The following TENM1 variants were observed in gnomAD, a reference collection of about 807,000 sequenced individuals.
The protein encoded by TENM1 is teneurin-1.
TENM1 carries 35 observed loss-of-function variants against 174.8 expected under a neutral mutation model. The ratio of observed to expected loss-of-function variants is 0.20; its 90% CI spans 0.15 to 0.27. The LOEUF is 0.27. Among genes scored for constraint, TENM1 ranks in the 10% least tolerant of loss-of-function variants. The pLI is 1.00. For missense variants in TENM1, 1,633 were observed against 2,130.1 expected (o/e 0.77, Z 4.59); for synonymous variants, 781 against 798.7 (o/e 0.98, Z 0.37).
chrX:125,157,671 A>G, the TENM1 span, among the ~76,000 whole-genome samples: 1 of 112,127 alleles, frequency 8.9e-6, no homozygotes, highest in Non-Finnish European at 1.9e-5. Flanking sequence ...TTCAGCACTG[A>G]TGGTCATGTT....
chrX:125,085,313 T>C, the TENM1 span, among the ~76,000 whole-genome samples: 1 of 110,909 alleles, frequency 9.0e-6, no homozygotes, highest in African/African-American at 3.3e-5. Flanking sequence ...TTTTGTTGGC[T>C]TTCAGATTTT....
At position 124,939,982 on chromosome X, in the gene TENM1, A is replaced by G. The variant is rs898742122; in HGVS notation, c.217+23555T>C. Among the ~76,000 whole-genome samples the G allele has an allele frequency of 7.1e-5, 8 of 111,997 alleles. 1 individual carries two copies. Among genetic ancestry groups the G allele is most frequent in the African/African-American group, 2.6e-4 (8 of 30,791 alleles). On this transcript the variant is annotated intron_variant, in intron 1 of 31. Coordinates refer to ENST00000422452, the Ensembl canonical transcript of TENM1. ...CTCCTTACTAGAGTATAAGCTCTTAAAAGTAGGGACCATGTCTATGTTTTT... is the reference window on the plus strand; with the variant it reads ...CTCCTTACTAGAGTATAAGCTCTTAGAAGTAGGGACCATGTCTATGTTTTT...
the TENM1 span, among the ~76,000 whole-genome samples, chrX:125,089,250 T>C: frequency 2.7e-5 from 3 of 112,087 alleles, no homozygotes; most frequent in African/African-American, 9.7e-5. Context: ...CCCAAATTCA[T>C]TGGTAAAACC....
exon 3 of TENM1, chrX:124,894,321 C>T (rs778366638): frequency 8.3e-7 from 1 of 1,198,501 alleles, no homozygotes; most frequent in African/African-American, 1.8e-5. Context: ...CTTGAGCCTC[C>T]ATGTCACAAC....
intron 3 of TENM1, among the ~76,000 whole-genome samples, chrX:124,740,917 G>C (rs1477589215): frequency 9.0e-6 from 1 of 111,701 alleles, no homozygotes; most frequent in Non-Finnish European, 1.9e-5. Context: ...CTGTGCCCCA[G>C]AGAGAGGAAG....
At chrX:124,580,479 CAT>C (rs895673890) in intron 11 of TENM1, among the ~76,000 whole-genome samples, 3 of 108,998 alleles carry the variant, frequency 2.8e-5, no homozygotes, top group Admixed American at 9.9e-5. Flanking sequence ...AATATATACT[CAT>C]ATATGTCTAT....
At chrX:124,421,424 G>A (rs995706424) in intron 24 of TENM1, among the ~76,000 whole-genome samples, 1 of 111,877 alleles carries the variant, frequency 8.9e-6, no homozygotes, top group Non-Finnish European at 1.9e-5. Flanking sequence ...TGACCAAATT[G>A]CTCACTCCTG....
the TENM1 span, among the ~76,000 whole-genome samples, chrX:125,109,163 T>C: frequency 9.1e-6 from 1 of 109,923 alleles, no homozygotes; most frequent in Non-Finnish European, 1.9e-5. Context: ...CTTCCCTTCA[T>C]GTGTCTACAT....
chrX:125,166,230 T>G, the TENM1 span, among the ~76,000 whole-genome samples: 1 of 111,551 alleles, frequency 9.0e-6, no homozygotes, highest in Non-Finnish European at 1.9e-5. Flanking sequence ...ATTTACAAAA[T>G]TTAAGCATAT....
chrX:124,644,210 C>CATATATAT (rs202056765), intron 10 of TENM1, among the ~76,000 whole-genome samples: 49 of 95,672 alleles, frequency 5.1e-4, no homozygotes, highest in African/African-American at 1.9e-3. Flanking sequence ...TTTACATATA[C>CATATATAT]ATATATATAT....
chrX:124,822,030 T>C lies in TENM1; in HGVS notation c.535+72266A>G, dbSNP rs189902640. On this transcript the variant is annotated intron_variant, in intron 3 of 31. Coordinates refer to ENST00000422452, the Ensembl canonical transcript of TENM1. ...CCAAAATCTGTTTTCTTTTTCTTCC[T>C]TGGTAATGGAGTTATAGAAATCACA... Among the ~76,000 whole-genome samples, 35 of 112,360 alleles carry C rather than the reference T, an allele frequency of 3.1e-4. No individual in the cohort carries two copies. The East Asian group carries it at 9.8e-3, about 32-fold the overall frequency.
At chrX:124,376,762 CTTTT>C (rs1295333655) in exon 32 of TENM1, 2 of 107,695 alleles carry the variant, frequency 1.9e-5, no homozygotes, top group African/African-American at 3.4e-5. Context: ...GTTTTTTGCG[CTTTT>C]TTTGTTTTTT....
chrX:124,654,252 T>C (rs1309592536), intron 6 of TENM1, among the ~76,000 whole-genome samples: 1 of 112,687 alleles, frequency 8.9e-6, no homozygotes, highest in Non-Finnish European at 1.9e-5. Context: ...CCTCTTTATC[T>C]TCTTGTATTT....
the TENM1 span, among the ~76,000 whole-genome samples, chrX:125,151,632 T>C: frequency 2.7e-5 from 3 of 112,030 alleles, no homozygotes; most frequent in African/African-American, 6.5e-5. Flanking sequence ...CATTGAAAAA[T>C]GATTGTATCT....
intron 11 of TENM1, among the ~76,000 whole-genome samples, chrX:124,571,746 A>G (rs912906216): frequency 1.8e-5 from 2 of 111,833 alleles, no homozygotes; most frequent in African/African-American, 6.5e-5. Flanking sequence ...GGACGTGAGA[A>G]GAAATAGAAA....
chrX:124,515,695 T>C (rs2047686661), intron 18 of TENM1, among the ~76,000 whole-genome samples: 1 of 109,589 alleles, frequency 9.1e-6, no homozygotes, highest in African/African-American at 3.3e-5. Flanking sequence ...AAATCTGAGA[T>C]AACATAAACA....
At chrX:125,107,837 T>A in the TENM1 span, among the ~76,000 whole-genome samples, 5 of 111,813 alleles carry the variant, frequency 4.5e-5, no homozygotes, top group East Asian at 1.4e-3. Context: ...AAGTACTCCA[T>A]CCCTGATGCT....
chrX:124,524,814 G>C (rs931976341), intron 16 of TENM1, among the ~76,000 whole-genome samples: 1 of 111,414 alleles, frequency 9.0e-6, no homozygotes, highest in Admixed American at 9.5e-5. Flanking sequence ...GTATAATGAC[G>C]TCTTTGAGAT....
intron 1 of TENM1, among the ~76,000 whole-genome samples, chrX:124,925,101 T>C (rs943426479): frequency 9.2e-6 from 1 of 108,856 alleles, no homozygotes; most frequent in African/African-American, 3.3e-5. Flanking sequence ...ATAAAACTTA[T>C]AAATATGGAG....
Sources: allele counts gnomAD v4.1 joint callset (sites outside exome capture counted in the v4.1 genomes callset), GRCh38; gene constraint gnomAD v4.1.1; transcripts MANE v1.5; gene names NCBI Gene and HGNC (gene_info 2026-07-23, HGNC 2026-07-21).